The following PMS2 variants were observed in gnomAD, a reference collection of about 807,000 sequenced individuals.
The protein encoded by PMS2 is PMS1 homolog 2, mismatch repair system component, also known as mismatch repair endonuclease PMS2.
A neutral mutation model predicts 90.0 loss-of-function variants in PMS2; 69 were observed. The ratio of observed to expected loss-of-function variants is 0.77; its 90% CI spans 0.63 to 0.94. The LOEUF is 0.94. Among genes scored for constraint, PMS2 ranks in the 40% least tolerant of loss-of-function variants. PMS2 has a pLI of 0.00. For missense variants in PMS2, 966 were observed against 1,040.2 expected (o/e 0.93, Z 0.98); for synonymous variants, 332 against 375.1 (o/e 0.89, Z 1.33).
At chr7:5,995,936 T>C (rs193289142) in intron 7 of PMS2, among the ~76,000 whole-genome samples, 1 of 152,264 alleles carries the variant, frequency 6.6e-6, no homozygotes, top group Admixed American at 6.6e-5. Flanking sequence ...CCTCTGTAAG[T>C]GGGTCTCGCT....
intron 8 of PMS2, among the ~76,000 whole-genome samples, chr7:5,995,257 G>A (rs866901809): frequency 6.6e-6 from 1 of 151,880 alleles, no homozygotes; most frequent in Non-Finnish European, 1.5e-5. Context: ...GGCTGGTCTC[G>A]AACTCCTGGC....
chr7:5,989,719 A>G, intron 10 of PMS2, 81 bp downstream of exon 10: 1 of 1,123,346 alleles, frequency 8.9e-7, no homozygotes, highest in Admixed American at 2.2e-5. Context: ...TTTCATGTCA[A>G]AAAAAAGTTT....
chr7:6,003,041 C>A (rs1785280852), intron 4 of PMS2, among the ~76,000 whole-genome samples: 2 of 152,000 alleles, frequency 1.3e-5, no homozygotes, highest in Non-Finnish European at 1.5e-5. Context: ...TGCCTGTTAT[C>A]CCAGCACTTT....
rs780709321 is a variant in PMS2, at chr7:5,987,517, G to T, written c.1248C>A (p.Ser416=). 41 of 1,614,182 alleles carry T rather than the reference G, an allele frequency of 2.5e-5. No homozygotes were observed. In the African/African-American group the frequency reaches 3.3e-4, roughly 13 times the overall value. ...AAAAGGCCTCTCGCAGTCTGGAAAT[G>T]GACACGTCTTTTTTTTCTTCTCCAG... The part of the protein sequence containing the change: ...LRTGEEKKDV[S]ISRLREAFSL... The change falls in exon 11 of 15, where the codon TCC becomes TCA. Residue 416 remains serine (S), a synonymous_variant. Coordinates refer to ENST00000265849, the MANE Select transcript of PMS2 (RefSeq NM_000535.7).
At chr7:6,007,485 G>A (rs1215412707) in intron 1 of PMS2, among the ~76,000 whole-genome samples, 3 of 152,126 alleles carry the variant, frequency 2.0e-5, no homozygotes, top group Non-Finnish European at 4.4e-5. Flanking sequence ...TGTATAAGCA[G>A]GTCTCTGTCT....
chr7:5,975,754 C>G (rs1239030033), intron 14 of PMS2, among the ~76,000 whole-genome samples: 1 of 72,738 alleles, frequency 1.4e-5, no homozygotes, highest in African/African-American at 4.4e-5. Context: ...CCAGGCTGGT[C>G]TCTTAACTCC....
intron 10 of PMS2, 72 bp downstream of exon 10, chr7:5,989,728 T>G: frequency 8.3e-7 from 1 of 1,207,354 alleles, no homozygotes; most frequent in Non-Finnish European, 1.2e-6. Context: ...AAAAAAAAGT[T>G]TACTTGGAAA....
rs779666340 is a variant in PMS2, at chr7:6,004,106, T to C, written c.164-48A>G. 5.9e-5 allele frequency: 58 copies of C among 981,230 alleles called. No individual in the cohort carries two copies. In the South Asian group the frequency reaches 7.2e-4, roughly 12 times the overall value. 60.8% of individuals were successfully genotyped at this position (981,230 alleles called of 1,614,324 possible). On this transcript the variant is annotated intron_variant, in intron 2 of 14. Coordinates refer to ENST00000265849, the MANE Select transcript of PMS2 (RefSeq NM_000535.7). ...ATATTTATTAAAAACGGACCCATGC[T>C]ATCAGTTTTTATATTGACATTATTT...
intron 5 of PMS2, among the ~76,000 whole-genome samples, chr7:6,000,210 C>CA (rs971115303): frequency 7.3e-5 from 11 of 150,180 alleles, no homozygotes; most frequent in East Asian, 2.0e-4. Context: ...CCCATCTCTA[C>CA]AAAAAAAACA....
chr7:6,002,541 G>C lies in PMS2; in HGVS notation c.449C>G (p.Pro150Arg), dbSNP rs778119115. The change falls in exon 5 of 15, where the codon CCC (proline) becomes CGC (arginine). Residue 150 changes from proline (P) to arginine (R), a missense_variant. Around this residue, in one of 2 missense-constraint regions of PMS2, gnomAD observed 871 missense variants for 802.4 expected, o/e 1.09. Coordinates refer to ENST00000265849, the MANE Select transcript of PMS2 (RefSeq NM_000535.7). ...NGKIIQKTPY[P>R]RPRGTTVSVQ... ...GCTGACTGTGGTCCCTCTGGGGCGG[G>C]GGTAGGGGGTTTTCTGGATAATTTT... The C allele has an allele frequency of 6.2e-7, 1 of 1,611,684 alleles. No individual in the cohort carries two copies. The highest frequency in any genetic ancestry group is 1.3e-5 in the African/African-American group (1 of 74,960).
At position 6,002,587 on chromosome 7, in the gene PMS2, G is replaced by T; in HGVS notation, c.403C>A (p.Leu135Met). ...ATTTTCCCATTGTGATCAAACATCAGTCGAGTTCCAACCTTCGCCGATGCG... is the reference window on the plus strand; with the variant it reads ...ATTTTCCCATTGTGATCAAACATCATTCGAGTTCCAACCTTCGCCGATGCG... ...CHASAKVGTRLMFDHNGKIIQ... is the reference protein window; with the variant it reads ...CHASAKVGTRMMFDHNGKIIQ... Residue 135 changes from leucine to methionine, a missense_variant, in exon 5 of 15, where the codon CTG becomes ATG. Coordinates refer to ENST00000265849, the MANE Select transcript of PMS2 (RefSeq NM_000535.7). 6.2e-7 allele frequency: 1 copy of T among 1,611,944 alleles called. No homozygotes were observed. The highest frequency in any genetic ancestry group is 1.1e-5 in the South Asian group (1 of 90,990).
chr7:6,002,428 G>A, intron 5 of PMS2, 25 bp downstream of exon 5: 1 of 1,507,502 alleles, frequency 6.6e-7, no homozygotes, highest in African/African-American at 1.4e-5. Flanking sequence ...CAATACTCTT[G>A]AAAACCAGGA....
intron 2 of PMS2, 110 bp downstream of exon 2, chr7:6,005,782 A>G (rs952240363): frequency 1.2e-5 from 18 of 1,539,560 alleles, no homozygotes; most frequent in Non-Finnish European, 1.5e-5. Flanking sequence ...TAAAAATAAT[A>G]ATTTATTACT....
intron 9 of PMS2, 80 bp from the exon 10 acceptor site, chr7:5,990,035 T>C (rs2128749635): frequency 1.0e-6 from 1 of 980,890 alleles, no homozygotes; most frequent in Non-Finnish European, 1.5e-6. Context: ...TCAGACAGCG[T>C]CTCACTCTGT....
At chr7:5,996,816 A>G (rs1784459725) in intron 7 of PMS2, among the ~76,000 whole-genome samples, 1 of 152,092 alleles carries the variant, frequency 6.6e-6, no homozygotes, top group Admixed American at 6.6e-5. Flanking sequence ...CACCTGAAAT[A>G]TACCACTTAC....
chr7:6,008,403 G>A (rs180903723), intron 1 of PMS2, among the ~76,000 whole-genome samples: 3 of 152,156 alleles, frequency 2.0e-5, no homozygotes, highest in African/African-American at 4.8e-5. Flanking sequence ...AAACTGCGCA[G>A]CTATGCAAAT....
intron 8 of PMS2, 82 bp downstream of exon 8, chr7:5,995,451 TA>T: frequency 1.2e-6 from 1 of 842,314 alleles, no homozygotes; most frequent in Non-Finnish European, 2.1e-6. Context: ...GAGCTCCACG[TA>T]AACTGCCTAT....
At chr7:5,986,688 T>C (rs1782904509) in intron 11 of PMS2, 71 bp downstream of exon 11, 6 of 1,241,482 alleles carry the variant, frequency 4.8e-6, no homozygotes, top group South Asian at 4.6e-5. Flanking sequence ...CAAGACTCTG[T>C]CTCAAAAAAA....
In PMS2 at chr7:5,990,481, C is replaced by T. The variant is rs189113771; in HGVS notation, c.989-526G>A. On this transcript the variant is annotated intron_variant, in intron 9 of 14. Transcript: ENST00000265849. ...TTTGAATAGACAAAATACGGAAGGG[C>T]TTAATTAGGTAAATTGTTAAAGGAA... is the stretch of plus-strand genomic sequence containing the variant. Among the ~76,000 whole-genome samples, 3 of 152,094 alleles carry T rather than the reference C, an allele frequency of 2.0e-5. No individual in the cohort carries two copies. The East Asian group carries it at 5.8e-4, about 29-fold the overall frequency.
Sources: allele counts gnomAD v4.1 joint callset (sites outside exome capture counted in the v4.1 genomes callset), GRCh38; gene constraint gnomAD v4.1.1; regional missense constraint gnomAD v4.1.1; transcripts MANE v1.5; gene names NCBI Gene and HGNC (gene_info 2026-07-23, HGNC 2026-07-21).